The following EIF2AK4 variants were observed in gnomAD, a reference collection of about 807,000 sequenced individuals.
The protein encoded by EIF2AK4 is eukaryotic translation initiation factor 2 alpha kinase 4, also known as eIF-2-alpha kinase GCN2.
Under a neutral mutation model 211.1 loss-of-function variants are expected in EIF2AK4, and 139 were observed. The ratio of observed to expected loss-of-function variants is 0.66; its 90% CI spans 0.57 to 0.76. The LOEUF is 0.76. Ranked by LOEUF, EIF2AK4 falls within the 30% of genes least tolerant of loss-of-function variation. The pLI is 0.00. For synonymous variants in EIF2AK4, 710 were observed against 751.3 expected, an observed-to-expected ratio of 0.94 and a Z score of 0.90; for missense variants, 1,664 against 2,043.8, an observed-to-expected ratio of 0.81 and a Z score of 3.58.
chr15:40,029,593 C>T, intron 34 of EIF2AK4, 129 bp downstream of exon 34: 2 of 945,082 alleles, frequency 2.1e-6, no homozygotes, highest in Non-Finnish European at 3.1e-6. Context: ...ATAAATTGTA[C>T]CACATGGGAT....
In EIF2AK4 at chr15:39,965,664, A is replaced by G. The variant is rs375833415; in HGVS notation, c.860-22A>G. The G allele has an allele frequency of 6.8e-6, 11 of 1,611,784 alleles. No homozygotes were observed. The African/African-American group carries it at 1.2e-4, about 18-fold the overall frequency. ...GAAAACATACCAGTGGGATTTAATT[A>G]CACTTTCTGTTTAATGTGCAGGCAG... On this transcript the variant is annotated intron_variant, in intron 7 of 38. Transcript: ENST00000263791.
In EIF2AK4 at chr15:39,997,014, C is replaced by A; in HGVS notation, c.2817C>A (p.His939Gln). The change falls in exon 19 of 39, where the codon CAC (histidine) becomes CAA (glutamine). Residue 939 changes from histidine (H) to glutamine (Q), a missense_variant. This residue lies in a region of EIF2AK4 where 622 missense variants were observed against 796.8 expected (regional missense o/e 0.78). Coordinates refer to ENST00000263791, the MANE Select transcript of EIF2AK4 (RefSeq NM_001013703.4). Reference sequence around the variant, plus strand: ...TTATCTTCTTTGAGATGTCCTATCACCCCATGGTCACGGCTTCAGAAAGGA... The same window carrying A: ...TTATCTTCTTTGAGATGTCCTATCAACCCATGGTCACGGCTTCAGAAAGGA... The part of the protein sequence containing the change: ...LGIIFFEMSY[H>Q]PMVTASERIF... 1 of 1,614,080 alleles carries A rather than the reference C, an allele frequency of 6.2e-7. No individual in the cohort carries two copies. The highest frequency in any genetic ancestry group is 8.5e-7 in the Non-Finnish European group (1 of 1,179,970).
chr15:39,988,825 A>AC (rs1176972627), intron 15 of EIF2AK4, among the ~76,000 whole-genome samples: 1 of 152,074 alleles, frequency 6.6e-6, no homozygotes, highest in Non-Finnish European at 1.5e-5. Context: ...ACATGGTGAA[A>AC]CCCCATCTCT....
intron 1 of EIF2AK4, among the ~76,000 whole-genome samples, chr15:39,934,944 G>C (rs1566978318): frequency 6.6e-6 from 1 of 152,336 alleles, no homozygotes; most frequent in East Asian, 1.9e-4. Context: ...GTAGTAGAGA[G>C]AGGGTTCTAG....
intron 13 of EIF2AK4, among the ~76,000 whole-genome samples, chr15:39,979,003 C>T (rs2412455): frequency 0.99 from 150,956 of 152,310 alleles, 74,822 homozygotes; most frequent in East Asian, 1. Context: ...AAACGTTTAA[C>T]AAACTGATTT....
At chr15:40,028,546 C>G (rs936788396) in intron 33 of EIF2AK4, among the ~76,000 whole-genome samples, 4 of 152,114 alleles carry the variant, frequency 2.6e-5, no homozygotes, top group Admixed American at 6.5e-5. Flanking sequence ...CTACTACCCC[C>G]CAACAGAGAA....
chr15:39,976,296 CTG>C lies in EIF2AK4; in HGVS notation c.1819-116_1819-115del. On this transcript the variant is annotated intron_variant, in intron 11 of 38. Coordinates refer to ENST00000263791, the MANE Select transcript of EIF2AK4 (RefSeq NM_001013703.4). ...AGAATTTCAGGCATGTGGTTCTTGA[CTG>C]TAGCTGTGGGACTCATTTAGAACTT... is the stretch of plus-strand genomic sequence containing the variant. 2.7e-6 allele frequency: 3 copies of C among 1,102,116 alleles called. No individual in the cohort carries two copies. In the Middle Eastern group the frequency reaches 9.4e-4, roughly 344 times the overall value. 68.3% of individuals were successfully genotyped at this position (1,102,116 alleles called of 1,614,324 possible).
intron 23 of EIF2AK4, among the ~76,000 whole-genome samples, chr15:40,005,021 A>G (rs2035141583): frequency 6.6e-6 from 1 of 152,266 alleles, no homozygotes; most frequent in African/African-American, 2.4e-5. Flanking sequence ...ATTTGAATTT[A>G]CCATGTGCTA....
chr15:39,956,637 A>C (rs548954836), intron 6 of EIF2AK4, among the ~76,000 whole-genome samples: 3 of 152,224 alleles, frequency 2.0e-5, no homozygotes, highest in Non-Finnish European at 2.9e-5. Flanking sequence ...TTTTCACTGA[A>C]GAATTCCAAC....
intron 13 of EIF2AK4, among the ~76,000 whole-genome samples, chr15:39,983,640 C>T (rs1478643084): frequency 6.6e-6 from 1 of 152,178 alleles, no homozygotes; most frequent in African/African-American, 2.4e-5. Flanking sequence ...AGGGGTTTCT[C>T]CTTGTTGGTC....
chr15:39,958,115 C>T (rs1156911897), intron 6 of EIF2AK4, among the ~76,000 whole-genome samples: 1 of 152,180 alleles, frequency 6.6e-6, no homozygotes, highest in African/African-American at 2.4e-5. Flanking sequence ...TTAATGTGTA[C>T]AGTTCAGCGT....
In EIF2AK4 at chr15:39,946,703, C is replaced by T. The variant is rs191619621; in HGVS notation, c.361-2413C>T. The stretch of plus-strand genomic sequence containing the variant: ...ATCTTCCATGAAAGGAAGAGTCAAT[C>T]GATGCAGCAACTTCATTGTTGTCTT... On this transcript the variant is annotated intron_variant, in intron 3 of 38. Coordinates refer to ENST00000263791, the MANE Select transcript of EIF2AK4 (RefSeq NM_001013703.4). 4.3e-4 allele frequency: 298 copies of T among 699,038 alleles called. 1 individual carries two copies. Among genetic ancestry groups the T allele is most frequent in the Middle Eastern group, 1.1e-3 (3 of 2,736 alleles). 43.3% of individuals were successfully genotyped at this position (699,038 alleles called of 1,614,324 possible). A position where few individuals can be genotyped will look rare whatever the true frequency, so the allele number is the denominator to read the frequency against.
chr15:40,012,302 T>C (rs1382949459), intron 27 of EIF2AK4, among the ~76,000 whole-genome samples: 1 of 152,176 alleles, frequency 6.6e-6, no homozygotes, highest in East Asian at 1.9e-4. Context: ...TAAAACAGCT[T>C]TCAGAGGGCA....
rs918633933 is a variant in EIF2AK4 at position 40,034,509 on chromosome 15, T to A, written c.4892+65T>A. ...AAATTCAGGGCGGGGGGTTTCAGAG[T>A]GACATTATTTTGTTGTCTTGTTGAG... On this transcript the variant is annotated intron_variant, in intron 38 of 38. Transcript: ENST00000263791. The A allele has an allele frequency of 2.6e-5, 33 of 1,274,164 alleles. No individual in the cohort carries two copies. In the African/African-American group the frequency reaches 4.1e-4, roughly 16 times the overall value. The allele number at this position is 1,274,164 out of a possible 1,614,324, so 78.9% of individuals were successfully genotyped here. A position where few individuals can be genotyped will look rare whatever the true frequency, so the allele number is the denominator to read the frequency against.
chr15:39,967,318 CTT>C (rs33911018), intron 8 of EIF2AK4, 24 bp from the exon 9 acceptor site: 3,609 of 1,370,226 alleles, frequency 2.6e-3, no homozygotes, highest in South Asian at 0.011. Flanking sequence ...GCCCAATATT[CTT>C]TTTTTTTTTT....
intron 30 of EIF2AK4, 28 bp from the exon 31 acceptor site, chr15:40,020,871 A>G (rs976901841): frequency 5.0e-6 from 8 of 1,593,018 alleles, no homozygotes; most frequent in Middle Eastern, 2.0e-4. Flanking sequence ...TTGCTCCTCT[A>G]ACTGTAACCG....
intron 32 of EIF2AK4, 87 bp from the exon 33 acceptor site, chr15:40,025,890 T>C (rs2035459933): frequency 7.8e-7 from 1 of 1,276,230 alleles, no homozygotes; most frequent in African/African-American, 1.5e-5. Context: ...CCCAAACTAT[T>C]GATTTAGTAG....
At position 39,978,068 on chromosome 15, in the gene EIF2AK4, C is replaced by T; in HGVS notation, c.2250-10C>T. On this transcript the variant is annotated splice_polypyrimidine_tract_variant and intron_variant, in intron 12 of 38. Coordinates refer to ENST00000263791, the MANE Select transcript of EIF2AK4 (RefSeq NM_001013703.4). ...TCTGTTCCTTTAGTATTTCTGTTTC[C>T]CTTTTTCAGGCCTGCTTCAGATTCT... 6.3e-7 allele frequency: 1 copy of T among 1,587,744 alleles called. No individual in the cohort carries two copies. The highest frequency in any genetic ancestry group is 8.6e-7 in the Non-Finnish European group (1 of 1,162,908).
rs188550041 is a variant in EIF2AK4, at chr15:39,961,376, T to C, written c.744-408T>C. 5.3e-5 allele frequency among the ~76,000 whole-genome samples: 8 copies of C among 152,346 alleles called. No homozygotes were observed. In the East Asian group the frequency reaches 1.5e-3, roughly 29 times the overall value. ...AATCACTGCTGACCAGTAGAACTTT[T>C]TATGATAATGGAAATGATCTGTATC... On this transcript the variant is annotated intron_variant, in intron 6 of 38. Coordinates refer to ENST00000263791, the MANE Select transcript of EIF2AK4 (RefSeq NM_001013703.4).
Sources: gnomAD v4.1 joint callset for allele counts (sites outside exome capture counted in the v4.1 genomes callset) on GRCh38, gnomAD v4.1.1 for gene constraint, gnomAD v4.1.1 regional missense constraint, MANE v1.5 for transcripts, NCBI Gene and HGNC (gene_info 2026-07-23, HGNC 2026-07-21) for gene names.